DNER: variants seen among roughly 807,000 people sequenced by gnomAD.
DNER encodes the protein delta/notch like EGF repeat containing.
A neutral mutation model predicts 78.2 loss-of-function variants in DNER; 33 were observed. The observed-to-expected ratio is 0.42, with a 90% CI of 0.32 to 0.56. The LOEUF is 0.56. Ranked by LOEUF, DNER falls within the 20% of genes least tolerant of loss-of-function variation. The pLI is 0.11. For missense variants in DNER, 918 were observed against 975.3 expected (o/e 0.94, Z 0.78); for synonymous variants, 417 against 384.8 (o/e 1.08, Z -0.98).
In DNER at chr2:229,363,985, CTTTTTTTTTTTTT is replaced by C. The variant is rs10600729; in HGVS notation, c.2102+2875_2102+2887del. 2.6e-5 allele frequency among the ~76,000 whole-genome samples: 2 copies of C among 77,808 alleles called. 1 individual carries two copies. Among genetic ancestry groups the C allele is most frequent in the Non-Finnish European group, 5.0e-5 (2 of 39,954 alleles). The allele number at this position is 77,808 out of a possible 152,430, so 51.0% of individuals were successfully genotyped here. A position where few individuals can be genotyped will look rare whatever the true frequency, so the allele number is the denominator to read the frequency against. ...ACCAAAGAAACTTGTCAATTCTCTG[CTTTTTTTTTTTTT>C]TTTTTTTTTTTTTTTCTGAGACAGA... On this transcript the variant is annotated intron_variant, in intron 12 of 12. Transcript: ENST00000341772.
chr2:229,600,097 T>G (rs1158468078), intron 1 of DNER, among the ~76,000 whole-genome samples: 1 of 152,200 alleles, frequency 6.6e-6, no homozygotes, highest in Non-Finnish European at 1.5e-5. Context: ...CTTTCAACAT[T>G]TCCCAGATGA....
In DNER at chr2:229,473,022, T is replaced by TG. The variant is rs201273756; in HGVS notation, c.1261+4117dup. On this transcript the variant is annotated intron_variant, in intron 7 of 12. Transcript: ENST00000341772. Reference sequence around the variant, plus strand: ...TCACAGAGACAGTACCCAGAACAGATGTTCAATCTCTACGGGCCTACCCAG... The same window carrying TG: ...TCACAGAGACAGTACCCAGAACAGATGGTTCAATCTCTACGGGCCTACCCAG... Among the ~76,000 whole-genome samples, 26 of 152,210 alleles carry TG rather than the reference T, an allele frequency of 1.7e-4. 1 individual carries two copies. In the East Asian group the frequency reaches 4.8e-3, roughly 28 times the overall value.
In DNER at chr2:229,477,223, A is replaced by G. The variant is rs1695055987; in HGVS notation, c.1178T>C (p.Ile393Thr). The G allele has an allele frequency of 3.1e-6, 5 of 1,613,810 alleles. No individual in the cohort carries two copies. The highest frequency in any genetic ancestry group is 1.6e-4 in the Middle Eastern group (1 of 6,062). The change falls in exon 7 of 13, where the codon ATT becomes ACT. Residue 393 changes from isoleucine (I) to threonine (T), a missense_variant. Ile to Thr is a moderately conservative substitution (Grantham distance 89). Coordinates refer to ENST00000341772, the MANE Select transcript of DNER (RefSeq NM_139072.4). ...GYTGELCQSKIDYCILDPCRN... is the reference protein window; with the variant it reads ...GYTGELCQSKTDYCILDPCRN... ...GCATGGGTCTAGGATGCAGTAATCA[A>G]TCTTGGACTGGCAAAGCTCTCCAGT...
chr2:229,626,514 C>T (rs571948449), intron 1 of DNER, among the ~76,000 whole-genome samples: 3 of 152,286 alleles, frequency 2.0e-5, no homozygotes, highest in South Asian at 2.1e-4. Context: ...TACAGAGAAT[C>T]GGGCAATTAC....
intron 6 of DNER, among the ~76,000 whole-genome samples, chr2:229,501,625 T>C (rs1017493199): frequency 2.6e-5 from 4 of 152,198 alleles, no homozygotes; most frequent in Non-Finnish European, 5.9e-5. Flanking sequence ...AGAGTTTTTG[T>C]TCTCTGGTGA....
intron 1 of DNER, among the ~76,000 whole-genome samples, chr2:229,630,991 A>G (rs1332537196): frequency 6.6e-6 from 1 of 152,126 alleles, no homozygotes; most frequent in East Asian, 1.9e-4. Context: ...ATGGCTGTGT[A>G]GTATTCCATG....
chr2:229,501,670 CAA>C (rs989739374), intron 6 of DNER, among the ~76,000 whole-genome samples: 2 of 152,076 alleles, frequency 1.3e-5, no homozygotes, highest in East Asian at 1.9e-4. Context: ...ATTCATCAAA[CAA>C]AATAATTTTG....
chr2:229,670,039 G>A (rs1198472143), intron 1 of DNER, among the ~76,000 whole-genome samples: 3 of 152,166 alleles, frequency 2.0e-5, no homozygotes, highest in Non-Finnish European at 4.4e-5. Context: ...TCTGGTGGAG[G>A]AAGGGCCCCA....
At chr2:229,445,923 G>A (rs2106361580) in intron 8 of DNER, among the ~76,000 whole-genome samples, 1 of 152,324 alleles carries the variant, frequency 6.6e-6, no homozygotes, top group Middle Eastern at 3.4e-3. Flanking sequence ...GAAAATCGGG[G>A]AATTAAGAGT....
Position 229,546,830 on chromosome 2 carries a change from C to CAGACAGATAGATAGATAGATAGAT in DNER, c.993+116_993+117insATCTATCTATCTATCTATCTGTCT, listed in dbSNP as rs1408245684. Reference sequence around the variant, plus strand: ...ACAGACAGACAGACAGACAGACAGACAGATAGATAGATAGAGCAAGGATGA... The same window carrying CAGACAGATAGATAGATAGATAGAT: ...ACAGACAGACAGACAGACAGACAGACAGACAGATAGATAGATAGATAGATAGATAGATAGATAGAGCAAGGATGA... On this transcript the variant is annotated intron_variant, in intron 5 of 12. Transcript: ENST00000341772. The CAGACAGATAGATAGATAGATAGAT allele has an allele frequency of 2.1e-4, 261 of 1,214,824 alleles. 1 individual carries two copies. The highest frequency in any genetic ancestry group is 1.3e-3 in the Admixed American group (64 of 47,410). The allele number at this position is 1,214,824 out of a possible 1,614,324, so 75.3% of individuals were successfully genotyped here. A position where few individuals can be genotyped will look rare whatever the true frequency, so the allele number is the denominator to read the frequency against.
At chr2:229,671,495 G>T (rs1350747716) in intron 1 of DNER, among the ~76,000 whole-genome samples, 2 of 152,084 alleles carry the variant, frequency 1.3e-5, no homozygotes, top group Non-Finnish European at 2.9e-5. Context: ...CTATTTTCTT[G>T]TTTATTTATT....
intron 1 of DNER, among the ~76,000 whole-genome samples, chr2:229,694,611 G>T (rs554308168): frequency 2.6e-5 from 4 of 152,240 alleles, no homozygotes; most frequent in Non-Finnish European, 5.9e-5. Flanking sequence ...GAACTTTAAG[G>T]TTTAATGATT....
At position 229,460,019 on chromosome 2, in the gene DNER, T is replaced by C. The variant is rs139142087; in HGVS notation, c.1262-12479A>G. Among the ~76,000 whole-genome samples, 820 of 151,376 alleles carry C rather than the reference T, an allele frequency of 5.4e-3. 20 individuals carry two copies. Among genetic ancestry groups the C allele is most frequent in the African/African-American group, 0.019 (783 of 41,170 alleles). Reference sequence around the variant, plus strand: ...AAACATACAAAAAATTAGCTGGGCGTGGTGGGGGGTGCCTGTAGTCCCAAC... The same window carrying C: ...AAACATACAAAAAATTAGCTGGGCGCGGTGGGGGGTGCCTGTAGTCCCAAC... On this transcript the variant is annotated intron_variant, in intron 7 of 12. Coordinates refer to ENST00000341772, the MANE Select transcript of DNER (RefSeq NM_139072.4).
intron 4 of DNER, among the ~76,000 whole-genome samples, chr2:229,565,098 A>G (rs1321292691): frequency 6.6e-6 from 1 of 152,182 alleles, no homozygotes; most frequent in African/African-American, 2.4e-5. Context: ...TAGGATTTCA[A>G]CATATGAATT....
At chr2:229,380,939 A>T (rs1692721243) in intron 11 of DNER, among the ~76,000 whole-genome samples, 1 of 151,954 alleles carries the variant, frequency 6.6e-6, no homozygotes, top group South Asian at 2.1e-4. Flanking sequence ...AAAAATAAAA[A>T]AATAAAATAA....
intron 4 of DNER, among the ~76,000 whole-genome samples, chr2:229,578,522 C>T (rs1277199658): frequency 2.0e-5 from 3 of 152,172 alleles, no homozygotes; most frequent in African/African-American, 7.2e-5. Flanking sequence ...TTAACACTGG[C>T]CACTATGCCT....
At chr2:229,519,271 G>A (rs1426799212) in intron 5 of DNER, among the ~76,000 whole-genome samples, 2 of 152,128 alleles carry the variant, frequency 1.3e-5, no homozygotes, top group Non-Finnish European at 2.9e-5. Flanking sequence ...TAACGCCTGT[G>A]TGTTGGTGAA....
intron 4 of DNER, among the ~76,000 whole-genome samples, chr2:229,550,142 G>A (rs1195189886): frequency 3.4e-4 from 52 of 151,254 alleles, no homozygotes; most frequent in Non-Finnish European, 1.5e-5. Flanking sequence ...ACATATACGC[G>A]CCACCACACC....
At chr2:229,531,459 AG>A (rs1214004771) in intron 5 of DNER, among the ~76,000 whole-genome samples, 1 of 152,238 alleles carries the variant, frequency 6.6e-6, no homozygotes, top group Non-Finnish European at 1.5e-5. Flanking sequence ...CAAAAGCACA[AG>A]ATACCAATTC....
Sources: allele counts gnomAD v4.1 joint callset (sites outside exome capture counted in the v4.1 genomes callset), GRCh38; gene constraint gnomAD v4.1.1; transcripts MANE v1.5; gene names NCBI Gene and HGNC (gene_info 2026-07-23, HGNC 2026-07-21).